The following DERA variants were observed in gnomAD, a reference collection of about 807,000 sequenced individuals.
DERA encodes deoxyribose-phosphate aldolase, also known as 2-deoxy-D-ribose 5-phosphate aldolase.
DERA carries 15 observed loss-of-function variants against 41.1 expected under a neutral mutation model. That is an observed-to-expected ratio of 0.37 (90% CI 0.24 to 0.56). The LOEUF is 0.56. DERA is among the 20% of genes least tolerant of loss of function. The pLI, the probability that DERA is intolerant of heterozygous loss-of-function variation, is 0.81. For synonymous variants in DERA, 139 were observed against 137.4 expected (o/e 1.01, Z -0.08); for missense variants, 396 against 403.4 (o/e 0.98, Z 0.16).
rs1309426946 is a variant in DERA at position 15,992,863 on chromosome 12, G to A, written c.637+10427G>A. Among the ~76,000 whole-genome samples, 1 of 152,142 alleles carries A rather than the reference G, an allele frequency of 6.6e-6. No individual in the cohort carries two copies. The highest frequency in any genetic ancestry group is 6.6e-5 in the Admixed American group (1 of 15,266). On this transcript the variant is annotated intron_variant, in intron 6 of 8. Coordinates refer to ENST00000428559, the MANE Select transcript of DERA (RefSeq NM_015954.4). The surrounding 1 kb of genome is among the most constrained non-coding windows in gnomAD (Gnocchi z 4.3). ...CAAGCTCCGCTCTGAAGTTATTCTAGACCTTATCTTTGGAAATAATGCAGG... is the reference window on the plus strand; with the variant it reads ...CAAGCTCCGCTCTGAAGTTATTCTAAACCTTATCTTTGGAAATAATGCAGG...
rs909964424 is a variant in DERA at position 16,018,459 on chromosome 12, T to C, written c.638-14083T>C. Among the ~76,000 whole-genome samples, 2 of 152,204 alleles carry C rather than the reference T, an allele frequency of 1.3e-5. 1 individual carries two copies. The highest frequency in any genetic ancestry group is 4.1e-4 in the South Asian group (2 of 4,830). ...TTTAATGAACTGGAAAATGTTCATC[T>C]TGTTCTATTTAGTAATGAGTTGCTG... On this transcript the variant is annotated intron_variant, in intron 6 of 8. Transcript: ENST00000428559.
rs1948370312 is a variant in DERA, at chr12:15,936,907, T to TC, written c.32-20029_32-20028insC. On this transcript the variant is annotated intron_variant, in intron 1 of 8. Transcript: ENST00000428559. The surrounding 1 kb of genome is among the most constrained non-coding windows in gnomAD (Gnocchi z 4.6). ...TGTCTTGTCCTGTCCTGTCCTGTCC[T>TC]GTCCTGTCCTGTCCTGTCCTGTCCT... Among the ~76,000 whole-genome samples the TC allele has an allele frequency of 1.4e-5, 2 of 143,006 alleles. No individual in the cohort carries two copies. Among genetic ancestry groups the TC allele is most frequent in the Non-Finnish European group, 3.1e-5 (2 of 64,728 alleles). The allele number at this position is 143,006 out of a possible 152,430, so 93.8% of individuals were successfully genotyped here.
rs533459340 is a variant in DERA at position 15,981,108 on chromosome 12, G to T, written c.509-1200G>T. Among the ~76,000 whole-genome samples, 1 of 152,150 alleles carries T rather than the reference G, an allele frequency of 6.6e-6. No individual in the cohort carries two copies. Among genetic ancestry groups the T allele is most frequent in the African/African-American group, 2.4e-5 (1 of 41,516 alleles). On this transcript the variant is annotated intron_variant, in intron 5 of 8. Transcript: ENST00000428559. The surrounding 1 kb of genome is among the most constrained non-coding windows in gnomAD (Gnocchi z 6.1). ...TCACACCTGTAATCCCAGCACTTTG[G>T]GACGCTGAGGCAGGCGGATTACCAG... is the stretch of plus-strand genomic sequence containing the variant.
chr12:15,941,272 C>T lies in DERA; in HGVS notation c.32-15664C>T, dbSNP rs1025090149. On this transcript the variant is annotated intron_variant, in intron 1 of 8. Transcript: ENST00000428559. This position sits in a 1 kb window ranked among gnomAD's most constrained non-coding sequence, Gnocchi z 4.5. ...GCATGATTGAGCTCAGGCCGGGGCT[C>T]AACTAGCTGCTATAGCAAATGGGTA... Among the ~76,000 whole-genome samples, 4 of 152,098 alleles carry T rather than the reference C, an allele frequency of 2.6e-5. No individual in the cohort carries two copies. Among genetic ancestry groups the T allele is most frequent in the African/African-American group, 9.7e-5 (4 of 41,426 alleles).
chr12:15,942,024 A>G (rs1203055877), intron 1 of DERA, among the ~76,000 whole-genome samples: 1 of 152,150 alleles, frequency 6.6e-6, no homozygotes, highest in Non-Finnish European at 1.5e-5. Flanking sequence ...ATCAACGTCT[A>G]TTATTTTTTG....
Position 16,014,566 on chromosome 12 carries a change from G to A in DERA, c.638-17976G>A, listed in dbSNP as rs570946575. ...TTCAGAGGATGTATGGAATCGCCTGGATGTCCTGGCAGAAGTTTACTGCAG... is the reference window on the plus strand; with the variant it reads ...TTCAGAGGATGTATGGAATCGCCTGAATGTCCTGGCAGAAGTTTACTGCAG... On this transcript the variant is annotated intron_variant, in intron 6 of 8. Transcript: ENST00000428559. The surrounding 1 kb of genome is among the most constrained non-coding windows in gnomAD (Gnocchi z 5.4). Among the ~76,000 whole-genome samples the A allele has an allele frequency of 6.6e-6, 1 of 152,318 alleles. No homozygotes were observed. The highest frequency in any genetic ancestry group is 1.9e-4 in the East Asian group (1 of 5,184).
intron 1 of DERA, among the ~76,000 whole-genome samples, chr12:15,925,367 T>C (rs1258580218): frequency 6.6e-6 from 1 of 152,192 alleles, no homozygotes; most frequent in African/African-American, 2.4e-5. Context: ...AATTTTCTTC[T>C]TATTATTTTG....
intron 5 of DERA, among the ~76,000 whole-genome samples, chr12:15,969,237 C>T (rs1444530456): frequency 6.6e-6 from 1 of 152,152 alleles, no homozygotes; most frequent in Non-Finnish European, 1.5e-5. Context: ...GAATAGTTTC[C>T]ATGCTCTGTA....
intron 6 of DERA, among the ~76,000 whole-genome samples, chr12:16,023,952 G>GT (rs1949036692): frequency 6.6e-6 from 1 of 152,124 alleles, no homozygotes; most frequent in Middle Eastern, 3.2e-3. Context: ...TGGAAACTAA[G>GT]TAAGAATTGA....
rs1405817796 is a variant in DERA at position 15,959,742 on chromosome 12, C to T, written c.278-87C>T. On this transcript the variant is annotated intron_variant, in intron 3 of 8. Coordinates refer to ENST00000428559, the MANE Select transcript of DERA (RefSeq NM_015954.4). This position sits in a 1 kb window ranked among gnomAD's most constrained non-coding sequence, Gnocchi z 4.5. ...TATTTTTTTCTCATTTGATTTTTGCCAGTGTTGCGATATAAATAATAATTA... is the reference window on the plus strand; with the variant it reads ...TATTTTTTTCTCATTTGATTTTTGCTAGTGTTGCGATATAAATAATAATTA... The T allele has an allele frequency of 5.7e-5, 47 of 817,806 alleles. No homozygotes were observed. The highest frequency in any genetic ancestry group is 8.7e-5 in the South Asian group (4 of 46,062). The allele number at this position is 817,806 out of a possible 1,614,324, so 50.7% of individuals were successfully genotyped here. A position where few individuals can be genotyped will look rare whatever the true frequency, so the allele number is the denominator to read the frequency against.
At position 15,998,499 on chromosome 12, in the gene DERA, T is replaced by G. The variant is rs1488220827; in HGVS notation, c.637+16063T>G. Among the ~76,000 whole-genome samples the G allele has an allele frequency of 6.6e-6, 1 of 152,052 alleles. No individual in the cohort carries two copies. The highest frequency in any genetic ancestry group is 2.4e-5 in the African/African-American group (1 of 41,410). ...TGCCCGGCTAATTTTCTATTTTTAG[T>G]AGAGATGGGGTTTCTTCATATTGGC... On this transcript the variant is annotated intron_variant, in intron 6 of 8. Transcript: ENST00000428559. This position sits in a 1 kb window ranked among gnomAD's most constrained non-coding sequence, Gnocchi z 4.8.
At chr12:16,027,672 T>C (rs1238960500) in intron 6 of DERA, among the ~76,000 whole-genome samples, 2 of 152,234 alleles carry the variant, frequency 1.3e-5, no homozygotes, top group East Asian at 1.9e-4. Flanking sequence ...CTGACACTTT[T>C]ATTTTGGATT....
Position 15,916,519 on chromosome 12 carries a change from C to T in DERA, c.31+5105C>T, listed in dbSNP as rs7961415. On this transcript the variant is annotated intron_variant, in intron 1 of 8. Transcript: ENST00000428559. ...AGGCTGGAGTGCAGTGGCGCCATCTCGGCTCACTGCAACCTCCGCCTCCCG... is the reference window on the plus strand; with the variant it reads ...AGGCTGGAGTGCAGTGGCGCCATCTTGGCTCACTGCAACCTCCGCCTCCCG... Among the ~76,000 whole-genome samples the T allele has an allele frequency of 7.1e-3, 1,035 of 146,756 alleles. 12 individuals are homozygous for T. The highest frequency in any genetic ancestry group is 0.025 in the African/African-American group (994 of 39,784).
chr12:15,912,626 G>C (rs887998741), intron 1 of DERA, among the ~76,000 whole-genome samples: 2 of 152,164 alleles, frequency 1.3e-5, no homozygotes, highest in African/African-American at 4.8e-5. Context: ...TACATGTAAA[G>C]TAGTTTGGTA....
intron 4 of DERA, 30 bp from the exon 5 acceptor site, chr12:15,962,783 T>G: frequency 6.6e-7 from 1 of 1,517,138 alleles, no homozygotes; most frequent in Non-Finnish European, 8.9e-7. Flanking sequence ...TCCTTCCCTC[T>G]TTCTTCATTT....
chr12:15,973,803 T>C (rs985118900), intron 5 of DERA, among the ~76,000 whole-genome samples: 3 of 152,138 alleles, frequency 2.0e-5, no homozygotes, highest in African/African-American at 7.2e-5. Flanking sequence ...ATATGTACCA[T>C]ATGTAATCAC....
chr12:15,993,229 C>T lies in DERA; in HGVS notation c.637+10793C>T, dbSNP rs767461532. ...AATAAAGGGGAAAAGTAGTGGGAAACGCTATGACTGAATGAAACCAAAACA... is the reference window on the plus strand; with the variant it reads ...AATAAAGGGGAAAAGTAGTGGGAAATGCTATGACTGAATGAAACCAAAACA... On this transcript the variant is annotated intron_variant, in intron 6 of 8. Transcript: ENST00000428559. The surrounding 1 kb of genome is among the most constrained non-coding windows in gnomAD (Gnocchi z 4.4). Among the ~76,000 whole-genome samples, 2 of 151,522 alleles carry T rather than the reference C, an allele frequency of 1.3e-5. No individual in the cohort carries two copies. The highest frequency in any genetic ancestry group is 2.4e-5 in the African/African-American group (1 of 41,008).
chr12:15,938,931 T>C lies in DERA; in HGVS notation c.32-18005T>C, dbSNP rs1948390561. On this transcript the variant is annotated intron_variant, in intron 1 of 8. Transcript: ENST00000428559. The surrounding 1 kb of genome is among the most constrained non-coding windows in gnomAD (Gnocchi z 4.1). The stretch of plus-strand genomic sequence containing the variant: ...ATTTAAAATAGGAGCTTGTGGTAGC[T>C]AGTCTCCAGAGATGGACCACGTCTC... Among the ~76,000 whole-genome samples the C allele has an allele frequency of 6.6e-6, 1 of 152,220 alleles. No individual in the cohort carries two copies. Among genetic ancestry groups the C allele is most frequent in the African/African-American group, 2.4e-5 (1 of 41,460 alleles).
intron 1 of DERA, among the ~76,000 whole-genome samples, chr12:15,912,148 G>A (rs1467513939): frequency 2.6e-5 from 4 of 152,112 alleles, no homozygotes; most frequent in Non-Finnish European, 4.4e-5. Flanking sequence ...GGTTTTCCTA[G>A]GCAGAGGACC....
Sources: allele counts gnomAD v4.1 joint callset (sites outside exome capture counted in the v4.1 genomes callset), GRCh38; gene constraint gnomAD v4.1.1; non-coding constraint Gnocchi (gnomAD v3.1); transcripts MANE v1.5; gene names NCBI Gene and HGNC (gene_info 2026-07-23, HGNC 2026-07-21).